ST6GAL1: variants seen among roughly 807,000 people sequenced by gnomAD.
ST6GAL1 encodes the protein ST6 beta-galactoside alpha-2,6-sialyltransferase 1.
ST6GAL1 carries 20 observed loss-of-function variants against 38.0 expected under a neutral mutation model. That is an observed-to-expected ratio of 0.53 (90% CI 0.37 to 0.77). The LOEUF (loss-of-function observed/expected upper bound fraction) is 0.77, where lower values mean the gene tolerates loss of function less well. Among genes scored for constraint, ST6GAL1 ranks in the 30% least tolerant of loss-of-function variants. The pLI, the probability that ST6GAL1 is intolerant of heterozygous loss-of-function variation, is 0.00. For missense variants in ST6GAL1, 432 were observed against 496.4 expected (o/e 0.87, Z 1.23); for synonymous variants, 196 against 188.2 (o/e 1.04, Z -0.34).
At chr3:186,979,552 A>G (rs1405080536) in intron 2 of ST6GAL1, among the ~76,000 whole-genome samples, 1 of 152,138 alleles carries the variant, frequency 6.6e-6, no homozygotes, top group African/African-American at 2.4e-5. Flanking sequence ...CAGAGACAGG[A>G]GGAAGTCCAA....
intron 2 of ST6GAL1, among the ~76,000 whole-genome samples, chr3:187,002,374 A>G (rs944734442): frequency 6.6e-6 from 1 of 152,262 alleles, no homozygotes; most frequent in Non-Finnish European, 1.5e-5. Context: ...TAAAAAACAT[A>G]TTCTTTAGGA....
chr3:186,984,736 TTCCTTCCCTCCCTCCCTCCCTCCCTCCC>T, intron 2 of ST6GAL1, among the ~76,000 whole-genome samples: 9 of 87,796 alleles, frequency 1.0e-4, no homozygotes, highest in East Asian at 7.6e-4. Context: ...CCTTCCTTCC[TTCCTTCCCTCCCTCCCTCCCTCCCTCCC>T]TCCTTCCTTC....
chr3:187,002,699 C>A (rs1013847098), intron 2 of ST6GAL1, among the ~76,000 whole-genome samples: 2 of 152,176 alleles, frequency 1.3e-5, no homozygotes, highest in African/African-American at 4.8e-5. Context: ...AAAATCTCAA[C>A]TCTGGGCGTA....
chr3:187,071,189 T>C (rs1355327472), intron 5 of ST6GAL1, among the ~76,000 whole-genome samples: 2 of 152,214 alleles, frequency 1.3e-5, no homozygotes, highest in Non-Finnish European at 2.9e-5. Flanking sequence ...TGCTTTCGTT[T>C]CAGTCAGTTC....
chr3:187,062,574 T>TCA (rs57175575), intron 5 of ST6GAL1, among the ~76,000 whole-genome samples: 22,675 of 143,790 alleles, frequency 0.16, 1,931 homozygotes, highest in East Asian at 0.32. Context: ...AATAAGCCAG[T>TCA]CACACACACA....
chr3:187,046,750 G>A (rs146436131), intron 4 of ST6GAL1, among the ~76,000 whole-genome samples: 62 of 152,308 alleles, frequency 4.1e-4, no homozygotes, highest in African/African-American at 1.4e-3. Context: ...TATATCAGGG[G>A]TCAGCAAGCT....
chr3:186,936,799 G>A (rs983957255), intron 1 of ST6GAL1, among the ~76,000 whole-genome samples: 2 of 151,972 alleles, frequency 1.3e-5, no homozygotes, highest in Non-Finnish European at 2.9e-5. Flanking sequence ...AAATCAGCCG[G>A]ACATGGTGGG....
chr3:187,060,101 A>G (rs1235378383), intron 5 of ST6GAL1, among the ~76,000 whole-genome samples: 1 of 152,118 alleles, frequency 6.6e-6, no homozygotes, highest in African/African-American at 2.4e-5. Flanking sequence ...ATGTGGGACT[A>G]TGTGGTGAGA....
chr3:187,075,790 C>T lies in ST6GAL1; in HGVS notation c.1208C>T (p.Thr403Ile). The T allele has an allele frequency of 6.2e-7, 1 of 1,614,188 alleles. No homozygotes were observed. Among genetic ancestry groups the T allele is most frequent in the Non-Finnish European group, 8.5e-7 (1 of 1,180,018 alleles). Residue 403 changes from threonine (T) to isoleucine (I), a missense_variant, in exon 8 of 8, where the codon ACC (threonine) becomes ATC (isoleucine). Coordinates refer to ENST00000169298, the MANE Select transcript of ST6GAL1 (RefSeq NM_173216.2). The surrounding 1 kb of genome is among the most constrained non-coding windows in gnomAD (Gnocchi z 4.1). The stretch of plus-strand genomic sequence containing the variant: ...AAAGCCACACTGCCTGGCTTCCGGA[C>T]CATTCACTGCTAAGCACAGGCTCCT... ...LGKATLPGFR[T>I]IHC
intron 2 of ST6GAL1, among the ~76,000 whole-genome samples, chr3:186,991,347 CATGCCCTA>C (rs772515107): frequency 5.3e-5 from 8 of 152,100 alleles, no homozygotes; most frequent in Non-Finnish European, 4.4e-5. Flanking sequence ...TCTGAAAGGT[CATGCCCTA>C]ATAGAGGAAA....
chr3:187,009,071 A>G (rs1183736605), intron 2 of ST6GAL1, among the ~76,000 whole-genome samples: 2 of 41,640 alleles, frequency 4.8e-5, no homozygotes, highest in Non-Finnish European at 9.9e-5. Flanking sequence ...GAAATTGCCC[A>G]CCCTCCCTCC....
chr3:186,981,604 T>C (rs913522208), intron 2 of ST6GAL1, among the ~76,000 whole-genome samples: 1 of 152,234 alleles, frequency 6.6e-6, no homozygotes, highest in African/African-American at 2.4e-5. Context: ...TGATGATGTC[T>C]TGTTATCTCT....
At chr3:186,991,220 C>A (rs774694614) in intron 2 of ST6GAL1, among the ~76,000 whole-genome samples, 1 of 152,102 alleles carries the variant, frequency 6.6e-6, no homozygotes, top group Non-Finnish European at 1.5e-5. Flanking sequence ...CCCAGAGATG[C>A]CTCATTCATG....
intron 2 of ST6GAL1, among the ~76,000 whole-genome samples, chr3:186,983,593 G>A (rs1715764516): frequency 6.6e-6 from 1 of 152,126 alleles, no homozygotes; most frequent in African/African-American, 2.4e-5. Flanking sequence ...ACCAAGCTTA[G>A]CAAGGTAGTA....
Position 186,939,757 on chromosome 3 carries a change from G to C in ST6GAL1, c.-325+8923G>C, listed in dbSNP as rs117211131. ...GCTGCCGGTCTCTCATGCCGAAGAT[G>C]TGGTGGTAGCTCAGATGAGCACCTG... is the stretch of plus-strand genomic sequence containing the variant. On this transcript the variant is annotated intron_variant, in intron 1 of 7. Transcript: ENST00000169298. Among the ~76,000 whole-genome samples the C allele has an allele frequency of 2.0e-5, 3 of 152,250 alleles. No homozygotes were observed. In the East Asian group the frequency reaches 5.8e-4, roughly 29 times the overall value.
At chr3:186,960,007 CAG>C (rs1490491411) in intron 1 of ST6GAL1, among the ~76,000 whole-genome samples, 2 of 152,058 alleles carry the variant, frequency 1.3e-5, no homozygotes, top group African/African-American at 4.8e-5. Context: ...TGAGTCAACA[CAG>C]AGCACTCGAG....
intron 4 of ST6GAL1, among the ~76,000 whole-genome samples, chr3:187,050,294 A>C (rs920664583): frequency 6.6e-6 from 1 of 152,096 alleles, no homozygotes; most frequent in Non-Finnish European, 1.5e-5. Context: ...TGCTTGACCG[A>C]GTAAGATTGA....
intron 2 of ST6GAL1, among the ~76,000 whole-genome samples, chr3:187,020,953 T>C (rs1717274334): frequency 6.8e-6 from 1 of 146,920 alleles, no homozygotes; most frequent in Admixed American, 7.0e-5. Context: ...AGGATATATG[T>C]ATTGGTGGTT....
chr3:186,934,739 T>C (rs987982809), intron 1 of ST6GAL1, among the ~76,000 whole-genome samples: 2 of 145,946 alleles, frequency 1.4e-5, no homozygotes, highest in African/African-American at 5.1e-5. Context: ...TACCAGCTTT[T>C]AAAAAATTTT....
Sources: allele counts gnomAD v4.1 joint callset (sites outside exome capture counted in the v4.1 genomes callset), GRCh38; gene constraint gnomAD v4.1.1; non-coding constraint Gnocchi (gnomAD v3.1); transcripts MANE v1.5; gene names NCBI Gene and HGNC (gene_info 2026-07-23, HGNC 2026-07-21).